SKIC2: variants seen among roughly 807,000 people sequenced by gnomAD.
The protein encoded by SKIC2 is superkiller complex protein 2.
At chr6:31,961,503 C>T in the SKIC2 span, 5 of 1,556,398 alleles carry the variant, frequency 3.2e-6, no homozygotes, top group Non-Finnish European at 3.5e-6. Context: ...TAATTGAGAG[C>T]CCTCTGGTTG....
the SKIC2 span, chr6:31,960,636 T>G: frequency 1.9e-6 from 3 of 1,588,756 alleles, no homozygotes; most frequent in East Asian, 4.5e-5. Flanking sequence ...CCTCATCCCA[T>G]GAATCCCTGT....
chr6:31,964,356 T>C, the SKIC2 span: 1 of 1,601,224 alleles, frequency 6.2e-7, no homozygotes, highest in Non-Finnish European at 8.5e-7. This position sits in a 1 kb window ranked among gnomAD's most constrained non-coding sequence, Gnocchi z 5.0. Context: ...CATGTGGTGG[T>C]GGAAAGGGAC....
the SKIC2 span, chr6:31,966,954 G>T: frequency 2.5e-6 from 4 of 1,613,330 alleles, no homozygotes; most frequent in Admixed American, 1.7e-5. This position sits in a 1 kb window ranked among gnomAD's most constrained non-coding sequence, Gnocchi z 5.9. Flanking sequence ...GAGTGTGACA[G>T]ATTGGGCCTG....
chr6:31,962,838 C>T, the SKIC2 span: 14 of 1,471,806 alleles, frequency 9.5e-6, no homozygotes, highest in Middle Eastern at 1.8e-4. The surrounding 1 kb of genome is among the most constrained non-coding windows in gnomAD (Gnocchi z 5.0). Flanking sequence ...CAGTCCTCTC[C>T]TTTGGGACCA....
the SKIC2 span, chr6:31,968,923 G>C: frequency 5.0e-6 from 8 of 1,613,004 alleles, no homozygotes; most frequent in Non-Finnish European, 6.8e-6. The surrounding 1 kb of genome is among the most constrained non-coding windows in gnomAD (Gnocchi z 6.1). Flanking sequence ...AAGCTGGCAG[G>C]GCGGGTGGCT....
At chr6:31,961,393 G>A in the SKIC2 span, 2 of 1,544,094 alleles carry the variant, frequency 1.3e-6, no homozygotes, top group Non-Finnish European at 1.7e-6. Context: ...GAAGGTTGGT[G>A]GTTCTGTGTA....
At chr6:31,960,020 G>A in the SKIC2 span, 1 of 1,612,632 alleles carries the variant, frequency 6.2e-7, no homozygotes, top group Non-Finnish European at 8.5e-7. Flanking sequence ...CTTCCCCATG[G>A]CCTCCCTCCT....
At chr6:31,960,147 G>T in the SKIC2 span, 7 of 1,606,306 alleles carry the variant, frequency 4.4e-6, no homozygotes, top group Non-Finnish European at 6.0e-6. Context: ...GCTTAGACTA[G>T]GGTGATGGGT....
chr6:31,968,519 GCCC>G, the SKIC2 span: 1 of 1,612,820 alleles, frequency 6.2e-7, no homozygotes. This position sits in a 1 kb window ranked among gnomAD's most constrained non-coding sequence, Gnocchi z 6.1. Context: ...TGTGTACACA[GCCC>G]CCGTTTTCCT....
chr6:31,962,788 A>G, the SKIC2 span: 5 of 1,611,266 alleles, frequency 3.1e-6, no homozygotes, highest in Non-Finnish European at 4.2e-6. The surrounding 1 kb of genome is among the most constrained non-coding windows in gnomAD (Gnocchi z 5.0). Context: ...CACTATATCA[A>G]CGATGTCGAG....
chr6:31,963,439 T>A, the SKIC2 span: 5 of 1,602,172 alleles, frequency 3.1e-6, no homozygotes, highest in Admixed American at 3.5e-5. This position sits in a 1 kb window ranked among gnomAD's most constrained non-coding sequence, Gnocchi z 5.3. Context: ...CAGATCTATG[T>A]GATTAGCACT....
chr6:31,965,182 TG>T, the SKIC2 span, among the ~76,000 whole-genome samples: 24 of 152,202 alleles, frequency 1.6e-4, no homozygotes, highest in African/African-American at 5.5e-4. This position sits in a 1 kb window ranked among gnomAD's most constrained non-coding sequence, Gnocchi z 5.6. Context: ...ATTTCATTCC[TG>T]GGTATATATC....
chr6:31,964,278 A>G, the SKIC2 span: 27 of 1,612,982 alleles, frequency 1.7e-5, no homozygotes, highest in Non-Finnish European at 2.1e-5. This position sits in a 1 kb window ranked among gnomAD's most constrained non-coding sequence, Gnocchi z 5.0. Flanking sequence ...GGTGTGCACC[A>G]TAGCGGCATC....
At chr6:31,961,994 C>G in the SKIC2 span, 11 of 1,613,036 alleles carry the variant, frequency 6.8e-6, no homozygotes, top group Non-Finnish European at 9.3e-6. Flanking sequence ...GCTCACACAT[C>G]TGCAGGAAAA....
the SKIC2 span, chr6:31,969,277 C>T: frequency 1.2e-6 from 2 of 1,614,066 alleles, no homozygotes; most frequent in Admixed American, 3.3e-5. This position sits in a 1 kb window ranked among gnomAD's most constrained non-coding sequence, Gnocchi z 6.1. Context: ...TTCTTTCCTG[C>T]AGGGAATAGA....
chr6:31,964,350 TG>T, the SKIC2 span: 1 of 1,607,718 alleles, frequency 6.2e-7, no homozygotes, highest in Non-Finnish European at 8.5e-7. The surrounding 1 kb of genome is among the most constrained non-coding windows in gnomAD (Gnocchi z 5.0). Context: ...AAGGTGCATG[TG>T]GTGGTGGAAA....
At chr6:31,966,906 ATAGG>A in the SKIC2 span, 1 of 1,613,516 alleles carries the variant, frequency 6.2e-7, no homozygotes, top group Non-Finnish European at 8.5e-7. This position sits in a 1 kb window ranked among gnomAD's most constrained non-coding sequence, Gnocchi z 5.9. Context: ...CAGGCTGGGA[ATAGG>A]TAGGCATCCA....
the SKIC2 span, chr6:31,968,185 G>T: frequency 9.8e-6 from 15 of 1,536,788 alleles, no homozygotes; most frequent in Non-Finnish European, 1.1e-5. The surrounding 1 kb of genome is among the most constrained non-coding windows in gnomAD (Gnocchi z 6.1). Context: ...ACCATGAAGT[G>T]GTGGGGTTGT....
At chr6:31,959,783 C>A in the SKIC2 span, 1 of 575,832 alleles carries the variant, frequency 1.7e-6, no homozygotes, top group Non-Finnish European at 3.1e-6. Context: ...CATGATTAGC[C>A]AGGGAGCTTT....
Sources: allele counts gnomAD v4.1 joint callset (sites outside exome capture counted in the v4.1 genomes callset), GRCh38; gene constraint gnomAD v4.1.1; non-coding constraint Gnocchi (gnomAD v3.1); transcripts MANE v1.5; gene names NCBI Gene and HGNC (gene_info 2026-07-23, HGNC 2026-07-21).